Variants in AKAP9 observed in about 807,000 individuals in gnomAD.
AKAP9 encodes A-kinase anchoring protein 9.
AKAP9 carries 311 observed loss-of-function variants against 488.5 expected under a neutral mutation model. The observed-to-expected ratio is 0.64, with a 90% CI of 0.58 to 0.70. AKAP9 has a LOEUF of 0.70. AKAP9 is among the 30% of genes least tolerant of loss of function. AKAP9 has a pLI of 0.00. For missense variants in AKAP9, 4,215 were observed against 4,374.5 expected, an observed-to-expected ratio of 0.96 and a Z score of 1.03; for synonymous variants, 1,462 against 1,483.5, an observed-to-expected ratio of 0.99 and a Z score of 0.33.
chr7:91,993,605 A>G (rs916167269), intron 5 of AKAP9, among the ~76,000 whole-genome samples: 39 of 152,206 alleles, frequency 2.6e-4, no homozygotes, highest in Admixed American at 2.6e-3. Context: ...TTAAAAAATC[A>G]AACAGAAAAG....
In AKAP9 at chr7:92,079,661, G is replaced by T. The variant is rs763549392; in HGVS notation, c.7528G>T (p.Ala2510Ser). Residue 2510 changes from alanine (A) to serine (S), a missense_variant, in exon 31 of 50, where the codon GCA becomes TCA. Ala to Ser is a moderately conservative substitution (Grantham distance 99). Around this residue, in one of 5 missense-constraint regions of AKAP9, gnomAD observed 1,476 missense variants for 1,477.4 expected, o/e 1.00. Coordinates refer to ENST00000356239, the MANE Select transcript of AKAP9 (RefSeq NM_005751.5). ...GCTACAACTTGAGAGCACTGTTAGTGCAAAGGACTTAGAACTTACCCAGTG... is the reference window on the plus strand; with the variant it reads ...GCTACAACTTGAGAGCACTGTTAGTTCAAAGGACTTAGAACTTACCCAGTG... ...RLLQLESTVS[A>S]KDLELTQCYK... 5 of 1,614,020 alleles carry T rather than the reference G, an allele frequency of 3.1e-6. No individual in the cohort carries two copies. In the Admixed American group the frequency reaches 6.7e-5, roughly 22 times the overall value.
In AKAP9 at chr7:92,098,261, T is replaced by C. The variant is rs780268709; in HGVS notation, c.10713+47T>C. On this transcript the variant is annotated intron_variant, in intron 43 of 49. Transcript: ENST00000356239. Reference sequence around the variant, plus strand: ...TTCTGAAGCATTGAGAGCAAAGATTTAATAGAAACTGGATAATTTGAAACT... The same window carrying C: ...TTCTGAAGCATTGAGAGCAAAGATTCAATAGAAACTGGATAATTTGAAACT... The C allele has an allele frequency of 7.2e-6, 8 of 1,116,972 alleles. No homozygotes were observed. The Admixed American group carries it at 1.1e-4, about 15-fold the overall frequency. The allele number at this position is 1,116,972 out of a possible 1,614,324, so 69.2% of individuals were successfully genotyped here. A position where few individuals can be genotyped will look rare whatever the true frequency, so the allele number is the denominator to read the frequency against.
intron 21 of AKAP9, among the ~76,000 whole-genome samples, chr7:92,049,625 T>C (rs1807584963): frequency 6.6e-6 from 1 of 151,712 alleles, no homozygotes; most frequent in Admixed American, 6.6e-5. Context: ...AAAATAATAA[T>C]AATAAAATAA....
chr7:92,061,272 A>C lies in AKAP9; in HGVS notation c.5614A>C (p.Lys1872Gln). 6.2e-7 allele frequency: 1 copy of C among 1,612,382 alleles called. No individual in the cohort carries two copies. The highest frequency in any genetic ancestry group is 8.5e-7 in the Non-Finnish European group (1 of 1,178,878). ...CCTCTTTGTTTAGCTTGAACATGCGAAAGTGACACAGACAGAGTTGATGCG... is the reference window on the plus strand; with the variant it reads ...CCTCTTTGTTTAGCTTGAACATGCGCAAGTGACACAGACAGAGTTGATGCG... ...SETSSQLEHAKVTQTELMRES... is the reference protein window; with the variant it reads ...SETSSQLEHAQVTQTELMRES... Residue 1872 changes from lysine to glutamine, a missense_variant, in exon 23 of 50, where the codon AAA (lysine) becomes CAA (glutamine). Physicochemically the swap from Lys to Gln is moderately conservative, Grantham distance 53. Around this residue, in one of 5 missense-constraint regions of AKAP9, gnomAD observed 2,361 missense variants for 2,430.0 expected, o/e 0.97. Transcript: ENST00000356239.
At chr7:92,065,206 C>T in intron 24 of AKAP9, 25 bp from the exon 25 acceptor site, 4 of 1,409,284 alleles carry the variant, frequency 2.8e-6, no homozygotes, top group Non-Finnish European at 3.0e-6. Context: ...TGATTTAATT[C>T]AGTATATTTT....
chr7:91,988,823 G>T (rs1294054039), intron 3 of AKAP9, among the ~76,000 whole-genome samples: 1 of 152,002 alleles, frequency 6.6e-6, no homozygotes, highest in Non-Finnish European at 1.5e-5. Context: ...TATACTTTAA[G>T]TTCTAGGGTA....
At chr7:92,026,224 T>C (rs962949501) in intron 14 of AKAP9, among the ~76,000 whole-genome samples, 10 of 152,132 alleles carry the variant, frequency 6.6e-5, no homozygotes, top group Non-Finnish European at 5.9e-5. Context: ...AGGGGAACAA[T>C]GAATTAAGTT....
intron 38 of AKAP9, 150 bp downstream of exon 38, chr7:92,089,679 TA>T (rs1473512785): frequency 1.1e-6 from 1 of 896,426 alleles, no homozygotes; most frequent in Non-Finnish European, 1.7e-6. Context: ...CTATATTAAT[TA>T]CTCTAGGGGT....
chr7:92,022,393 C>G, intron 13 of AKAP9, 41 bp downstream of exon 13: 2 of 1,375,762 alleles, frequency 1.5e-6, no homozygotes, highest in Non-Finnish European at 2.1e-6. Flanking sequence ...GTTTTTATAG[C>G]AAATATTGAG....
intron 30 of AKAP9, 35 bp from the exon 31 acceptor site, chr7:92,079,044 A>G: frequency 2.1e-6 from 3 of 1,404,130 alleles, no homozygotes; most frequent in Non-Finnish European, 1.9e-6. Context: ...AAATACATAT[A>G]TATTATGTAT....
chr7:91,995,663 CAAG>C lies in AKAP9; in HGVS notation c.794_796del (p.Gln265_Ala266delinsPro). On this transcript the variant is annotated inframe_deletion, in exon 7 of 50. Transcript: ENST00000356239. Reference sequence around the variant, plus strand: ...TAGTAGCACAGCTGCAGACTTACTACAAGCCAAACAACAGATCCTCACTCATCA... The same window carrying C: ...TAGTAGCACAGCTGCAGACTTACTACCCAAACAACAGATCCTCACTCATCA... The C allele has an allele frequency of 6.2e-7, 1 of 1,614,144 alleles. No homozygotes were observed. The highest frequency in any genetic ancestry group is 8.5e-7 in the Non-Finnish European group (1 of 1,180,018).
Position 92,062,289 on chromosome 7 carries a change from A to G in AKAP9, c.5780A>G (p.Tyr1927Cys). 6.2e-7 allele frequency: 1 copy of G among 1,612,942 alleles called. No homozygotes were observed. Among genetic ancestry groups the G allele is most frequent in the Non-Finnish European group, 8.5e-7 (1 of 1,179,008 alleles). ...TGTATTATAGGCGTCATTGATGGCTATGCAGATGAAAAAACTCTTTTTGAA... is the reference window on the plus strand; with the variant it reads ...TGTATTATAGGCGTCATTGATGGCTGTGCAGATGAAAAAACTCTTTTTGAA... ...LSKAEGVIDG[Y>C]ADEKTLFERQ... The change falls in exon 24 of 50, where the codon TAT (tyrosine) becomes TGT (cysteine). Residue 1927 changes from tyrosine (Y) to cysteine (C), a missense_variant. Around this residue, in one of 5 missense-constraint regions of AKAP9, gnomAD observed 2,361 missense variants for 2,430.0 expected, o/e 0.97. Coordinates refer to ENST00000356239, the MANE Select transcript of AKAP9 (RefSeq NM_005751.5).
intron 30 of AKAP9, 73 bp downstream of exon 30, chr7:92,077,948 G>A: frequency 2.0e-6 from 2 of 1,011,552 alleles, no homozygotes; most frequent in Non-Finnish European, 2.8e-6. Context: ...TTATAATGTT[G>A]CTCCCCATTG....
chr7:92,035,626 A>T (rs1041406843), intron 16 of AKAP9, among the ~76,000 whole-genome samples: 14 of 148,002 alleles, frequency 9.5e-5, no homozygotes, highest in Middle Eastern at 3.4e-3. Flanking sequence ...TGAATTTTTT[A>T]AAAAAATAGG....
rs1396215862 is a variant in AKAP9 at position 92,002,713 on chromosome 7, GGTT to G, written c.2801_2803del (p.Val934del). 1 of 1,613,586 alleles carries G rather than the reference GGTT, an allele frequency of 6.2e-7. No individual in the cohort carries two copies. The highest frequency in any genetic ancestry group is 2.2e-5 in the East Asian group (1 of 44,838). On this transcript the variant is annotated inframe_deletion, in exon 8 of 50. Transcript: ENST00000356239. ...TAGCAGAAACATTGGAAATGGGTGAGGTTGTTGAAAAGGATACAACAGAACTCA... is the reference window on the plus strand; with the variant it reads ...TAGCAGAAACATTGGAAATGGGTGAGGTTGAAAAGGATACAACAGAACTCA...
intron 35 of AKAP9, among the ~76,000 whole-genome samples, chr7:92,085,254 G>A (rs1814320859): frequency 6.6e-6 from 1 of 152,150 alleles, no homozygotes; most frequent in Admixed American, 6.6e-5. Context: ...TAGCTTATCA[G>A]TAAACCTAGG....
chr7:91,948,661 G>T, intron 1 of AKAP9, among the ~76,000 whole-genome samples: 1 of 134,932 alleles, frequency 7.4e-6, no homozygotes, highest in South Asian at 2.4e-4. Context: ...TCCCAGGCTT[G>T]AGTGCAATGG....
At chr7:91,990,482 TA>T (rs1006025260) in intron 3 of AKAP9, among the ~76,000 whole-genome samples, 8 of 152,146 alleles carry the variant, frequency 5.3e-5, no homozygotes, top group African/African-American at 1.9e-4. Context: ...TCAGATTTAT[TA>T]ATATTGATAA....
In AKAP9 at chr7:91,999,129, C is replaced by T. The variant is rs187697253; in HGVS notation, c.931-1719C>T. Among the ~76,000 whole-genome samples, 48 of 152,278 alleles carry T rather than the reference C, an allele frequency of 3.2e-4. 1 individual carries two copies. The highest frequency in any genetic ancestry group is 1.1e-3 in the African/African-American group (46 of 41,574). On this transcript the variant is annotated intron_variant, in intron 7 of 49. Transcript: ENST00000356239. ...TTTATATAGTACAGAATCTGGCCTT[C>T]GACTTGTAGGTTCAGAAGTCTGATT...
Sources: gnomAD v4.1 joint callset for allele counts (sites outside exome capture counted in the v4.1 genomes callset) on GRCh38, gnomAD v4.1.1 for gene constraint, gnomAD v4.1.1 regional missense constraint, MANE v1.5 for transcripts, NCBI Gene and HGNC (gene_info 2026-07-23, HGNC 2026-07-21) for gene names.